The following BPTF variants were observed in gnomAD, a reference collection of about 807,000 sequenced individuals.
BPTF encodes the protein bromodomain PHD finger transcription factor.
In BPTF, 18 loss-of-function variants were observed where a neutral mutation model predicts 292.5. The observed-to-expected ratio is 0.06, with a 90% CI of 0.04 to 0.09. BPTF has a LOEUF of 0.09. Among genes scored for constraint, BPTF ranks in the 10% least tolerant of loss-of-function variants. BPTF has a pLI of 1.00. For synonymous variants in BPTF, 1,225 were observed against 1,251.9 expected, an observed-to-expected ratio of 0.98 and a Z score of 0.45; for missense variants, 2,726 against 3,498.7, an observed-to-expected ratio of 0.78 and a Z score of 5.57.
At chr17:67,871,515 T>C (rs1289421983) in intron 3 of BPTF, among the ~76,000 whole-genome samples, 1 of 152,088 alleles carries the variant, frequency 6.6e-6, no homozygotes, top group Non-Finnish European at 1.5e-5. Context: ...TTTATATTTG[T>C]AACTAAATAT....
chr17:67,854,744 T>C lies in BPTF; in HGVS notation c.1418T>C (p.Leu473Ser). 6.2e-7 allele frequency: 1 copy of C among 1,612,996 alleles called. No individual in the cohort carries two copies. Among genetic ancestry groups the C allele is most frequent in the Non-Finnish European group, 8.5e-7 (1 of 1,179,040 alleles). ...AGAAGTCGGAGGAAATACTGGTTCTTGAACCGAAGACTCATAATGTAAGTA... is the reference window on the plus strand; with the variant it reads ...AGAAGTCGGAGGAAATACTGGTTCTCGAACCGAAGACTCATAATGTAAGTA... ...YDRSRRKYWF[L>S]NRRLIIEEDT... The change falls in exon 2 of 28, where the codon TTG becomes TCG. Residue 473 changes from leucine (L) to serine (S), a missense_variant. This residue lies in a region of BPTF where 22 missense variants were observed against 97.3 expected (regional missense o/e 0.23). Coordinates refer to ENST00000306378, the MANE Select transcript of BPTF (RefSeq NM_182641.4). The surrounding 1 kb of genome is among the most constrained non-coding windows in gnomAD (Gnocchi z 5.6).
intron 23 of BPTF, among the ~76,000 whole-genome samples, chr17:67,952,054 CAA>C (rs56099409): frequency 1.4e-5 from 1 of 71,362 alleles, no homozygotes; most frequent in African/African-American, 5.8e-5. Flanking sequence ...GACTCTGTCT[CAA>C]AAAAAAAAAA....
intron 3 of BPTF, among the ~76,000 whole-genome samples, chr17:67,870,886 C>T (rs1249423079): frequency 6.8e-6 from 1 of 147,802 alleles, no homozygotes; most frequent in Non-Finnish European, 1.5e-5. Flanking sequence ...TCTCCTGCCT[C>T]AGCCTCCCAA....
intron 1 of BPTF, among the ~76,000 whole-genome samples, chr17:67,847,293 T>C (rs2058091384): frequency 6.6e-6 from 1 of 151,948 alleles, no homozygotes; most frequent in Admixed American, 6.6e-5. Context: ...GGTGGGTGGA[T>C]CACCTGAGGT....
At position 67,885,989 on chromosome 17, in the gene BPTF, A is replaced by G. The variant is rs1598428753; in HGVS notation, c.1865-5855A>G. 11 of 633,818 alleles carry G rather than the reference A, an allele frequency of 1.7e-5. No homozygotes were observed. In the East Asian group the frequency reaches 2.2e-4, roughly 12 times the overall value. The allele number at this position is 633,818 out of a possible 1,614,324, so 39.3% of individuals were successfully genotyped here. A position where few individuals can be genotyped will look rare whatever the true frequency, so the allele number is the denominator to read the frequency against. On this transcript the variant is annotated intron_variant, in intron 4 of 27. Transcript: ENST00000306378. ...TGTTGCCTACCACTTTCTTTTATAC[A>G]TTGCATTACTGATACATGAACAGAT... is the stretch of plus-strand genomic sequence containing the variant.
At chr17:67,861,139 C>G (rs1264409049) in intron 2 of BPTF, among the ~76,000 whole-genome samples, 2 of 152,194 alleles carry the variant, frequency 1.3e-5, no homozygotes, top group Non-Finnish European at 2.9e-5. Flanking sequence ...AATGGAATTA[C>G]TGTCCCACCA....
rs954442561 is a variant in BPTF, at chr17:67,825,704, T to TC, written c.-15dup. Reference sequence around the variant, plus strand: ...CGCCCCTCCCCCTTCGCTTTCCTTCTCCCCCCGCCTCGGCTCCGACATGAG... The same window carrying TC: ...CGCCCCTCCCCCTTCGCTTTCCTTCTCCCCCCCGCCTCGGCTCCGACATGAG... On this transcript the variant is annotated 5_prime_UTR_variant, in exon 1 of 28. Coordinates refer to ENST00000306378, the MANE Select transcript of BPTF (RefSeq NM_182641.4). 1.0e-4 allele frequency: 86 copies of TC among 860,814 alleles called. No individual in the cohort carries two copies. The Admixed American group carries it at 2.6e-3, about 26-fold the overall frequency. The allele number at this position is 860,814 out of a possible 1,614,324, so 53.3% of individuals were successfully genotyped here.
chr17:67,839,801 T>G (rs2057411005), intron 1 of BPTF, among the ~76,000 whole-genome samples: 1 of 152,230 alleles, frequency 6.6e-6, no homozygotes, highest in Non-Finnish European at 1.5e-5. Flanking sequence ...TTTTCTTGAG[T>G]AAATACCTAG....
intron 7 of BPTF, among the ~76,000 whole-genome samples, chr17:67,902,608 G>A (rs2061919910): frequency 6.6e-6 from 1 of 152,186 alleles, no homozygotes; most frequent in Non-Finnish European, 1.5e-5. Flanking sequence ...GTTGAGTGCA[G>A]TTAATAGGCA....
intron 3 of BPTF, among the ~76,000 whole-genome samples, chr17:67,871,684 C>T (rs1269045518): frequency 6.6e-6 from 1 of 152,078 alleles, no homozygotes; most frequent in Non-Finnish European, 1.5e-5. Context: ...TTGAAATGTT[C>T]ATGCAAAGTA....
rs766667187 is a variant in BPTF at position 67,911,624 on chromosome 17, C to T, written c.3740C>T (p.Ser1247Phe). 1.2e-6 allele frequency: 2 copies of T among 1,614,156 alleles called. No individual in the cohort carries two copies. The highest frequency in any genetic ancestry group is 2.2e-5 in the East Asian group (1 of 44,882). ...CAGGAGGAAAGTGACACCATTGTTT[C>T]TTCTTCCAAGAGTGCTTTACATTCA... ...LIQEESDTIV[S>F]SSKSALHSSV... The change falls in exon 11 of 28, where the codon TCT becomes TTT. Residue 1247 changes from serine (S) to phenylalanine (F), a missense_variant. Transcript: ENST00000306378.
At chr17:67,900,644 G>A (rs915928748) in intron 7 of BPTF, among the ~76,000 whole-genome samples, 2 of 151,982 alleles carry the variant, frequency 1.3e-5, no homozygotes, top group African/African-American at 4.8e-5. Flanking sequence ...GGATACTTTG[G>A]GAATAAGATT....
At chr17:67,928,171 A>T (rs2064076635) in intron 15 of BPTF, among the ~76,000 whole-genome samples, 184 bp from the exon 16 acceptor site, 2 of 152,204 alleles carry the variant, frequency 1.3e-5, no homozygotes, top group African/African-American at 4.8e-5. Flanking sequence ...GGTGTGAGCC[A>T]CCGCAGCCAG....
intron 5 of BPTF, 53 bp downstream of exon 5, chr17:67,892,087 T>C: frequency 3.1e-6 from 4 of 1,293,578 alleles, no homozygotes; most frequent in Non-Finnish European, 4.2e-6. Flanking sequence ...ATAATTTTAA[T>C]TACCACACCT....
intron 13 of BPTF, among the ~76,000 whole-genome samples, chr17:67,922,099 A>G (rs1438669697): frequency 6.6e-6 from 1 of 152,088 alleles, no homozygotes; most frequent in African/African-American, 2.4e-5. Context: ...AGAGACACAG[A>G]TGGGAGATGT....
In BPTF at chr17:67,959,619, C is replaced by T. The variant is rs782318436; in HGVS notation, c.8005C>T (p.Pro2669Ser). 4 of 1,590,172 alleles carry T rather than the reference C, an allele frequency of 2.5e-6. No individual in the cohort carries two copies. The highest frequency in any genetic ancestry group is 1.4e-5 in the African/African-American group (1 of 73,740). Residue 2669 changes from proline (P) to serine (S), a missense_variant, in exon 24 of 28, where the codon CCC (proline) becomes TCC (serine). Coordinates refer to ENST00000306378, the MANE Select transcript of BPTF (RefSeq NM_182641.4). ...GGCTCAGGCCACAGCAGTAGCTGCA[C>T]CCTGCCCCCCAGTGACACCAGCTCC... The part of the protein sequence containing the change: ...QLAQATAVAA[P>S]CPPVTPAPPA...
chr17:67,947,101 T>C (rs1378444601), intron 21 of BPTF, among the ~76,000 whole-genome samples: 5 of 152,222 alleles, frequency 3.3e-5, no homozygotes, highest in African/African-American at 7.2e-5. Flanking sequence ...CCCTTCTCTT[T>C]CCAGCCACAT....
rs143012679 is a variant in BPTF at position 67,922,904 on chromosome 17, G to T, written c.5622G>T (p.Thr1874=). The T allele has an allele frequency of 3.1e-6, 5 of 1,613,948 alleles. No homozygotes were observed. The highest frequency in any genetic ancestry group is 3.3e-5 in the Admixed American group (2 of 59,960). Residue 1874 remains threonine, a synonymous_variant, in exon 14 of 28, where the codon ACG becomes ACT. Transcript: ENST00000306378. ...CACTGCGGCCAAAGAGACCAGAAACGCCCAAGCAAACTGGCCCTGTTATTA... is the reference window on the plus strand; with the variant it reads ...CACTGCGGCCAAAGAGACCAGAAACTCCCAAGCAAACTGGCCCTGTTATTA... ...SSALRPKRPE[T]PKQTGPVIIE...
intron 1 of BPTF, among the ~76,000 whole-genome samples, chr17:67,848,497 A>G (rs1378136947): frequency 6.6e-6 from 1 of 152,204 alleles, no homozygotes; most frequent in African/African-American, 2.4e-5. Context: ...AGTAGAGGTG[A>G]CATTTGAGCC....
Sources: gnomAD v4.1 joint callset for allele counts (sites outside exome capture counted in the v4.1 genomes callset) on GRCh38, gnomAD v4.1.1 for gene constraint, gnomAD v4.1.1 regional missense constraint, Gnocchi (gnomAD v3.1) non-coding constraint, MANE v1.5 for transcripts, NCBI Gene and HGNC (gene_info 2026-07-23, HGNC 2026-07-21) for gene names.